B3GALT9: variants seen among roughly 807,000 people sequenced by gnomAD.
B3GALT9 encodes the protein UDP-GlcNAc:betaGal beta-1,3-N-acetylglucosaminyltransferase 10 (putative).
chr9:120,793,922 G>A lies in B3GALT9; in HGVS notation c.-182G>A, dbSNP rs2044911403. The stretch of plus-strand genomic sequence containing the variant: ...CGTGCAAAGGAGAAAAATAAAGCAA[G>A]GTAAGGAGGTTGTTGAATGAAAAGA... On this transcript the variant is annotated splice_region_variant and 5_prime_UTR_variant, in exon 1 of 3. Transcript: ENST00000689072. The A allele has an allele frequency of 3.0e-6, 1 of 336,280 alleles. No individual in the cohort carries two copies. 20.8% of individuals were successfully genotyped at this position (336,280 alleles called of 1,614,324 possible).
At chr9:120,796,393 A>G (rs1459507354) in intron 1 of B3GALT9, 30 bp from the exon 2 acceptor site, 1 of 152,244 alleles carries the variant, frequency 6.6e-6, no homozygotes, top group East Asian at 1.9e-4. Flanking sequence ...CTCTAGCTGT[A>G]ACATGATCAG....
rs966471021 is a variant in B3GALT9 at position 120,793,938 on chromosome 9, A to C, written c.-182+16A>C. ...ATAAAGCAAGGTAAGGAGGTTGTTGAATGAAAAGAGACAGTCAAGTGATGT... is the reference window on the plus strand; with the variant it reads ...ATAAAGCAAGGTAAGGAGGTTGTTGCATGAAAAGAGACAGTCAAGTGATGT... On this transcript the variant is annotated intron_variant, in intron 1 of 2. Transcript: ENST00000689072. 3 of 309,820 alleles carry C rather than the reference A, an allele frequency of 9.7e-6. No individual in the cohort carries two copies. In the South Asian group the frequency reaches 4.8e-4, roughly 50 times the overall value. The allele number at this position is 309,820 out of a possible 1,614,324, so 19.2% of individuals were successfully genotyped here. A position where few individuals can be genotyped will look rare whatever the true frequency, so the allele number is the denominator to read the frequency against.
intron 1 of B3GALT9, among the ~76,000 whole-genome samples, chr9:120,794,505 GTT>G (rs1018658462): frequency 2.0e-5 from 2 of 99,372 alleles, no homozygotes; most frequent in African/African-American, 8.0e-5. Flanking sequence ...TGCCCAGCTA[GTT>G]GTGTGTGTGT....
At chr9:120,796,203 A>G (rs2044937380) in intron 1 of B3GALT9, among the ~76,000 whole-genome samples, 1 of 152,220 alleles carries the variant, frequency 6.6e-6, no homozygotes, top group Non-Finnish European at 1.5e-5. Context: ...AAAAAAAAGT[A>G]TAGGATATAT....
chr9:120,799,921 C>A lies in B3GALT9; in HGVS notation c.*243C>A. The A allele has an allele frequency of 9.7e-6, 3 of 310,310 alleles. No homozygotes were observed. Among genetic ancestry groups the A allele is most frequent in the Admixed American group, 5.0e-5 (1 of 19,924 alleles). The allele number at this position is 310,310 out of a possible 1,614,324, so 19.2% of individuals were successfully genotyped here. ...GAAATATTTCTCTCAAAAGAGAGAA[C>A]ATTATGTTTCATTGTTTATTTAGTT... On this transcript the variant is annotated 3_prime_UTR_variant, in exon 3 of 3. Transcript: ENST00000689072.
At position 120,799,777 on chromosome 9, in the gene B3GALT9, T is replaced by C; in HGVS notation, c.*99T>C. On this transcript the variant is annotated 3_prime_UTR_variant, in exon 3 of 3. Coordinates refer to ENST00000689072, the MANE Select transcript of B3GALT9 (RefSeq NM_001386823.1). ...TTTCCCATGTTTTATGTAGGTTCTC[T>C]GAATCTTTAATTTTATTTGCAAAGG... 1 of 397,360 alleles carries C rather than the reference T, an allele frequency of 2.5e-6. No individual in the cohort carries two copies. Among genetic ancestry groups the C allele is most frequent in the Admixed American group, 4.4e-5 (1 of 22,736 alleles). 24.6% of individuals were successfully genotyped at this position (397,360 alleles called of 1,614,324 possible). A position where few individuals can be genotyped will look rare whatever the true frequency, so the allele number is the denominator to read the frequency against.
chr9:120,794,377 G>C (rs1288792687), intron 1 of B3GALT9, among the ~76,000 whole-genome samples: 1 of 150,248 alleles, frequency 6.7e-6, no homozygotes, highest in Non-Finnish European at 1.5e-5. Context: ...TCACTCTGTC[G>C]CCCAGGCTGG....
intron 2 of B3GALT9, among the ~76,000 whole-genome samples, chr9:120,797,223 G>C (rs1048404565): frequency 4.0e-5 from 6 of 151,778 alleles, no homozygotes; most frequent in Non-Finnish European, 5.9e-5. Flanking sequence ...GCGAGCTTTG[G>C]GGCTGGGCAC....
intron 2 of B3GALT9, among the ~76,000 whole-genome samples, 193 bp downstream of exon 2, chr9:120,796,802 A>G (rs2044941758): frequency 6.6e-6 from 1 of 152,182 alleles, no homozygotes; most frequent in South Asian, 2.1e-4. Context: ...CACGCCTGTC[A>G]TCTCAGCACT....
intron 2 of B3GALT9, among the ~76,000 whole-genome samples, chr9:120,796,825 G>T (rs2044941923): frequency 6.6e-6 from 1 of 152,166 alleles, no homozygotes. Context: ...GGGAGGCCGA[G>T]GCAAGCGGAT....
intron 2 of B3GALT9, among the ~76,000 whole-genome samples, chr9:120,797,311 G>A (rs2044946224): frequency 6.6e-6 from 1 of 151,936 alleles, no homozygotes; most frequent in Non-Finnish European, 1.5e-5. Context: ...TTTGAAACCA[G>A]CCTGGCCAAC....
At chr9:120,795,362 G>T (rs1330807921) in intron 1 of B3GALT9, among the ~76,000 whole-genome samples, 28 of 152,210 alleles carry the variant, frequency 1.8e-4, no homozygotes, top group Admixed American at 1.8e-3. Flanking sequence ...AGATAATATT[G>T]TTTGGACCTC....
chr9:120,799,614 T>C lies in B3GALT9; in HGVS notation c.1046T>C (p.Leu349Pro). 2.5e-6 allele frequency: 1 copy of C among 399,618 alleles called. No homozygotes were observed. Among genetic ancestry groups the C allele is most frequent in the Non-Finnish European group, 4.4e-6 (1 of 226,190 alleles). 24.8% of individuals were successfully genotyped at this position (399,618 alleles called of 1,614,324 possible). ...ATTTCCTGCAAACTTCTGACGTACC[T>C]TGACAGCTTTAAACGTTTTCACATG... ...ELISCKLLTYLDSFKRFHMGT... is the reference protein window; with the variant it reads ...ELISCKLLTYPDSFKRFHMGT... Residue 349 changes from leucine to proline, a missense_variant, in exon 3 of 3, where the codon CTT becomes CCT. Leu to Pro is a moderately conservative substitution (Grantham distance 98, BLOSUM62 -3). Transcript: ENST00000689072.
rs5900461 is a variant in B3GALT9 at position 120,799,950 on chromosome 9, G to GTTT, written c.*282_*284dup. On this transcript the variant is annotated 3_prime_UTR_variant, in exon 3 of 3. Coordinates refer to ENST00000689072, the MANE Select transcript of B3GALT9 (RefSeq NM_001386823.1). ...ATGTTTCATTGTTTATTTAGTTTTC[G>GTTT]TTTTTTTTTTTTCTTTTGAGACAGG... 9.9e-4 allele frequency: 169 copies of GTTT among 170,338 alleles called. No individual in the cohort carries two copies. Among genetic ancestry groups the GTTT allele is most frequent in the East Asian group, 2.6e-3 (17 of 6,658 alleles). 10.6% of individuals were successfully genotyped at this position (170,338 alleles called of 1,614,324 possible). A position where few individuals can be genotyped will look rare whatever the true frequency, so the allele number is the denominator to read the frequency against.
chr9:120,794,796 T>G (rs1049310131), intron 1 of B3GALT9, among the ~76,000 whole-genome samples: 1 of 152,224 alleles, frequency 6.6e-6, no homozygotes, highest in African/African-American at 2.4e-5. Flanking sequence ...GTTGTTCTGT[T>G]GGTGCTGTCC....
At chr9:120,797,987 C>T (rs762492985) in intron 2 of B3GALT9, among the ~76,000 whole-genome samples, 24 of 152,098 alleles carry the variant, frequency 1.6e-4, no homozygotes, top group Non-Finnish European at 3.5e-4. Context: ...GATTAGGAGC[C>T]ATTGTCAAAA....
chr9:120,796,133 A>G (rs1370615346), intron 1 of B3GALT9, among the ~76,000 whole-genome samples: 4 of 152,160 alleles, frequency 2.6e-5, no homozygotes, highest in African/African-American at 9.7e-5. Flanking sequence ...CAGTTTTTGC[A>G]TGTGTATGTA....
chr9:120,794,680 G>A (rs2044923727), intron 1 of B3GALT9, among the ~76,000 whole-genome samples: 1 of 152,122 alleles, frequency 6.6e-6, no homozygotes, highest in Admixed American at 6.5e-5. Context: ...CAGCGCACAA[G>A]TTATCCTTGT....
In B3GALT9 at chr9:120,800,588, G is replaced by GT. The variant is rs201901079; in HGVS notation, c.*921dup. On this transcript the variant is annotated 3_prime_UTR_variant, in exon 3 of 3. Transcript: ENST00000689072. ...CCAGTACACAATTCATTATAACTAA[G>GT]TTTTTTTTTTTATAAACTGACTAGT... Among the ~76,000 whole-genome samples, 145 of 146,140 alleles carry GT rather than the reference G, an allele frequency of 9.9e-4. No individual in the cohort carries two copies. Among genetic ancestry groups the GT allele is most frequent in the Admixed American group, 1.4e-3 (20 of 14,552 alleles).
Sources: gnomAD v4.1 joint callset for allele counts (sites outside exome capture counted in the v4.1 genomes callset) on GRCh38, gnomAD v4.1.1 for gene constraint, MANE v1.5 for transcripts, NCBI Gene and HGNC (gene_info 2026-07-23, HGNC 2026-07-21) for gene names.